MMP24: variants seen among roughly 807,000 people sequenced by gnomAD.
MMP24 encodes the protein matrix metalloproteinase-24.
A neutral mutation model predicts 62.8 loss-of-function variants in MMP24; 25 were observed. The ratio of observed to expected loss-of-function variants is 0.40; its 90% CI spans 0.29 to 0.56. The LOEUF (loss-of-function observed/expected upper bound fraction) is 0.56, where lower values mean the gene tolerates loss of function less well. MMP24 is among the 20% of genes least tolerant of loss of function. The probability of loss-of-function intolerance (pLI) is 0.50; values close to 1 mark genes in which losing one functional copy is unlikely to be tolerated. For synonymous variants in MMP24, 319 were observed against 350.5 expected, an observed-to-expected ratio of 0.91 and a Z score of 1.00; for missense variants, 634 against 853.6, an observed-to-expected ratio of 0.74 and a Z score of 3.21.
chr20:35,240,951 A>C (rs1372164924), intron 1 of MMP24, among the ~76,000 whole-genome samples: 3 of 152,232 alleles, frequency 2.0e-5, no homozygotes, highest in Non-Finnish European at 4.4e-5. Context: ...CTGTGTGTAC[A>C]AAGTACTGCA....
intron 1 of MMP24, among the ~76,000 whole-genome samples, chr20:35,228,214 ATG>A (rs2060423415): frequency 6.6e-6 from 1 of 152,154 alleles, no homozygotes; most frequent in East Asian, 1.9e-4. Context: ...GTAAGTGCAA[ATG>A]TGTGTATTTC....
Position 35,246,826 on chromosome 20 carries a change from C to G in MMP24, c.247-14C>G, listed in dbSNP as rs760356260. The G allele has an allele frequency of 2.4e-5, 38 of 1,613,124 alleles. No homozygotes were observed. The South Asian group carries it at 2.5e-4, about 11-fold the overall frequency. On this transcript the variant is annotated splice_polypyrimidine_tract_variant and intron_variant, in intron 1 of 8. Transcript: ENST00000246186. The stretch of plus-strand genomic sequence containing the variant: ...CCCAGCATAACGCATCTTTTTCTTT[C>G]CCGTGTCTTTCAGAACTGGTTAAAG...
chr20:35,264,030 C>A (rs896479091), intron 5 of MMP24, 78 bp downstream of exon 5: 1 of 1,434,448 alleles, frequency 7.0e-7, no homozygotes, highest in Non-Finnish European at 9.4e-7. Flanking sequence ...GGGCAGGGGA[C>A]GAGGGAGGGG....
chr20:35,274,143 G>A lies in MMP24; in HGVS notation c.1601-129G>A. On this transcript the variant is annotated intron_variant, in intron 8 of 8. Coordinates refer to ENST00000246186, the MANE Select transcript of MMP24 (RefSeq NM_006690.4). The surrounding 1 kb of genome is among the most constrained non-coding windows in gnomAD (Gnocchi z 5.1). ...TTACTCCATGACTCAGCCAAGCACT[G>A]CACCCCAAACCTCCAGGTGTGCCCA... 1 of 888,728 alleles carries A rather than the reference G, an allele frequency of 1.1e-6. No individual in the cohort carries two copies. Among genetic ancestry groups the A allele is most frequent in the Non-Finnish European group, 1.7e-6 (1 of 585,776 alleles). The allele number at this position is 888,728 out of a possible 1,614,324, so 55.1% of individuals were successfully genotyped here. A position where few individuals can be genotyped will look rare whatever the true frequency, so the allele number is the denominator to read the frequency against.
intron 5 of MMP24, among the ~76,000 whole-genome samples, chr20:35,264,456 C>G (rs997599760): frequency 2.0e-5 from 3 of 152,120 alleles, no homozygotes. Context: ...CTTTGGGAGG[C>G]TGAGGCAGGC....
intron 1 of MMP24, among the ~76,000 whole-genome samples, chr20:35,228,962 T>C (rs1168854838): frequency 6.6e-6 from 1 of 152,132 alleles, no homozygotes; most frequent in Non-Finnish European, 1.5e-5. Context: ...CCATCCTGCT[T>C]CCCCCTTCCC....
chr20:35,271,741 G>A lies in MMP24; in HGVS notation c.1506G>A (p.Glu502=), dbSNP rs2060671115. The part of the protein sequence containing the change: ...KGERYWRYSE[E]RRATDPGYPK... ...AGCGGTACTGGCGCTACAGCGAGGA[G>A]CGGCGGGCCACGGACCCTGGCTACC... is the stretch of plus-strand genomic sequence containing the variant. The change falls in exon 8 of 9, where the codon GAG becomes GAA. Residue 502 remains glutamate (E), a synonymous_variant. Coordinates refer to ENST00000246186, the MANE Select transcript of MMP24 (RefSeq NM_006690.4). This position sits in a 1 kb window ranked among gnomAD's most constrained non-coding sequence, Gnocchi z 4.0. 7 of 1,599,776 alleles carry A rather than the reference G, an allele frequency of 4.4e-6. No individual in the cohort carries two copies. The East Asian group carries it at 1.1e-4, about 26-fold the overall frequency.
chr20:35,249,501 C>T (rs1158970010), intron 2 of MMP24, among the ~76,000 whole-genome samples: 1 of 152,172 alleles, frequency 6.6e-6, no homozygotes, highest in African/African-American at 2.4e-5. Context: ...CAACTAAGTT[C>T]CAGTCCTGCC....
intron 1 of MMP24, among the ~76,000 whole-genome samples, chr20:35,237,338 CCTTGG>C (rs941059969): frequency 2.0e-5 from 3 of 152,098 alleles, no homozygotes; most frequent in Admixed American, 1.3e-4. Flanking sequence ...TGCCCGCATC[CCTTGG>C]CTTGTGGCCC....
At chr20:35,235,728 A>G (rs527620997) in intron 1 of MMP24, among the ~76,000 whole-genome samples, 1 of 152,260 alleles carries the variant, frequency 6.6e-6, no homozygotes, top group South Asian at 2.1e-4. Flanking sequence ...TTTAAATTTT[A>G]AAAACCCTGA....
chr20:35,232,278 A>G (rs761353594), intron 1 of MMP24, among the ~76,000 whole-genome samples: 10 of 152,352 alleles, frequency 6.6e-5, no homozygotes, highest in East Asian at 1.9e-4. Flanking sequence ...CTAGCCCTAT[A>G]GTATGGTATT....
chr20:35,251,490 G>A (rs1225182917), intron 2 of MMP24, among the ~76,000 whole-genome samples: 1 of 152,122 alleles, frequency 6.6e-6, no homozygotes, highest in Non-Finnish European at 1.5e-5. Context: ...AGGGCATCCT[G>A]TAATCTCATT....
rs1459931130 is a variant in MMP24 at position 35,263,872 on chromosome 20, T to C, written c.899T>C (p.Met300Thr). ...LEHSSDPSAI[M>T]APFYQYMETH... ...CACTCCAGCGACCCCAGCGCCATCA[T>C]GGCGCCCTTCTACCAGTACATGGAG... Residue 300 changes from methionine to threonine, a missense_variant, in exon 5 of 9, where the codon ATG becomes ACG. Coordinates refer to ENST00000246186, the MANE Select transcript of MMP24 (RefSeq NM_006690.4). The C allele has an allele frequency of 6.2e-7, 1 of 1,612,994 alleles. No individual in the cohort carries two copies. The highest frequency in any genetic ancestry group is 8.5e-7 in the Non-Finnish European group (1 of 1,179,520).
At chr20:35,246,289 C>T (rs1326732329) in intron 1 of MMP24, among the ~76,000 whole-genome samples, 3 of 116,150 alleles carry the variant, frequency 2.6e-5, no homozygotes, top group African/African-American at 1.4e-4. Context: ...CCTGTCTCTA[C>T]TAAAAAAAAA....
intron 1 of MMP24, 114 bp downstream of exon 1, chr20:35,227,098 G>T (rs2060417243): frequency 3.0e-5 from 26 of 871,328 alleles, no homozygotes; most frequent in Non-Finnish European, 3.6e-5. Context: ...TCGCGGAGGC[G>T]GCGCGCCGGG....
rs1204994095 is a variant in MMP24, at chr20:35,269,044, A to T, written c.1195-716A>T. Among the ~76,000 whole-genome samples the T allele has an allele frequency of 3.3e-5, 5 of 151,518 alleles. No homozygotes were observed. The East Asian group carries it at 9.6e-4, about 29-fold the overall frequency. On this transcript the variant is annotated intron_variant, in intron 6 of 8. Coordinates refer to ENST00000246186, the MANE Select transcript of MMP24 (RefSeq NM_006690.4). The surrounding 1 kb of genome is among the most constrained non-coding windows in gnomAD (Gnocchi z 4.6). ...TCCATCTAAAAAAAAAAAAAAAGAA[A>T]GAAAACTGAGGCCTGGAGGCTACAG...
At chr20:35,258,014 T>C (rs1198188888) in intron 4 of MMP24, among the ~76,000 whole-genome samples, 1 of 152,212 alleles carries the variant, frequency 6.6e-6, no homozygotes, top group Non-Finnish European at 1.5e-5. Flanking sequence ...CTGGGAACTT[T>C]TTGAACTTAT....
chr20:35,271,553 C>T lies in MMP24; in HGVS notation c.1334-16C>T. ...AGTGACTGGGGAAGCTGATCCTGGG[C>T]TCCTCTTGGCCACAGGTGACAAGTA... On this transcript the variant is annotated splice_polypyrimidine_tract_variant and intron_variant, in intron 7 of 8. Transcript: ENST00000246186. The surrounding 1 kb of genome is among the most constrained non-coding windows in gnomAD (Gnocchi z 4.0). The T allele has an allele frequency of 6.2e-7, 1 of 1,606,782 alleles. No homozygotes were observed. Among genetic ancestry groups the T allele is most frequent in the Non-Finnish European group, 8.5e-7 (1 of 1,175,420 alleles).
At chr20:35,230,804 G>C (rs2060434341) in intron 1 of MMP24, among the ~76,000 whole-genome samples, 2 of 152,012 alleles carry the variant, frequency 1.3e-5, no homozygotes, top group Admixed American at 1.3e-4. Context: ...AACTACTGTA[G>C]AACTTTTCCT....
Sources: gnomAD v4.1 joint callset for allele counts (sites outside exome capture counted in the v4.1 genomes callset) on GRCh38, gnomAD v4.1.1 for gene constraint, Gnocchi (gnomAD v3.1) non-coding constraint, MANE v1.5 for transcripts, NCBI Gene and HGNC (gene_info 2026-07-23, HGNC 2026-07-21) for gene names.